CNTN1: variants seen among roughly 807,000 people sequenced by gnomAD.
The protein encoded by CNTN1 is contactin-1.
A neutral mutation model predicts 126.4 loss-of-function variants in CNTN1; 38 were observed. The observed-to-expected ratio is 0.30, with a 90% CI of 0.23 to 0.39. CNTN1 has a LOEUF of 0.39. Ranked by LOEUF, CNTN1 falls within the 10% of genes least tolerant of loss-of-function variation. The pLI is 1.00. For synonymous variants in CNTN1, 413 were observed against 422.6 expected (o/e 0.98, Z 0.28); for missense variants, 1,009 against 1,248.4 (o/e 0.81, Z 2.89).
intron 23 of CNTN1, among the ~76,000 whole-genome samples, chr12:41,068,843 C>T (rs1950104232): frequency 6.6e-6 from 1 of 152,064 alleles, no homozygotes; most frequent in Non-Finnish European, 1.5e-5. Flanking sequence ...AAGATAGTGC[C>T]AGCCAGGCAT....
intron 6 of CNTN1, among the ~76,000 whole-genome samples, chr12:40,924,857 T>A (rs1455771251): frequency 7.3e-6 from 1 of 136,882 alleles, no homozygotes; most frequent in Non-Finnish European, 1.6e-5. Context: ...GTCCCAAGGA[T>A]CTCTAATCAT....
intron 1 of CNTN1, among the ~76,000 whole-genome samples, chr12:40,740,042 G>A (rs1251056988): frequency 6.6e-6 from 1 of 151,914 alleles, no homozygotes; most frequent in Non-Finnish European, 1.5e-5. Context: ...AAATTCTTAT[G>A]AACTACACAA....
intron 1 of CNTN1, among the ~76,000 whole-genome samples, chr12:40,730,704 C>CTATG (rs1942475942): frequency 6.6e-6 from 1 of 152,174 alleles, no homozygotes; most frequent in African/African-American, 2.4e-5. Flanking sequence ...ATACCACTGA[C>CTATG]ATGTTATATC....
chr12:40,696,003 A>C (rs938910153), intron 1 of CNTN1, among the ~76,000 whole-genome samples: 1 of 152,234 alleles, frequency 6.6e-6, no homozygotes, highest in African/African-American at 2.4e-5. Context: ...TGATGCAGTT[A>C]AGCGAACATC....
intron 19 of CNTN1, among the ~76,000 whole-genome samples, chr12:41,017,871 C>T (rs573689496): frequency 8.6e-5 from 13 of 152,032 alleles, no homozygotes; most frequent in Non-Finnish European, 1.6e-4. Flanking sequence ...GCAGGTGGAT[C>T]ACCTGAGGTT....
intron 1 of CNTN1, among the ~76,000 whole-genome samples, chr12:40,875,552 A>G (rs1185508374): frequency 5.3e-5 from 8 of 152,160 alleles, no homozygotes; most frequent in African/African-American, 1.9e-4. Flanking sequence ...TCCATTATAT[A>G]GGATTATATT....
intron 1 of CNTN1, among the ~76,000 whole-genome samples, chr12:40,749,548 G>GTGCAGGGCTTCAGTGAAGCGGTGTGA (rs1555150237): frequency 2.8e-5 from 4 of 143,810 alleles, no homozygotes; most frequent in East Asian, 2.0e-4. Flanking sequence ...ACTAGGGTGA[G>GTGCAGGGCTTCAGTGAAGCGGTGTGA]GTCATAAAGA....
chr12:40,761,953 G>A (rs1216555102), intron 1 of CNTN1, among the ~76,000 whole-genome samples: 1 of 151,812 alleles, frequency 6.6e-6, no homozygotes, highest in Non-Finnish European at 1.5e-5. Context: ...AAGCTGAATG[G>A]CAATGCAGGA....
At chr12:40,829,752 A>G (rs932828677) in intron 1 of CNTN1, among the ~76,000 whole-genome samples, 1 of 152,140 alleles carries the variant, frequency 6.6e-6, no homozygotes, top group Non-Finnish European at 1.5e-5. Flanking sequence ...AGGAGATATT[A>G]CTACCTATAT....
chr12:40,996,919 A>G (rs946340556), intron 17 of CNTN1, among the ~76,000 whole-genome samples: 2 of 152,218 alleles, frequency 1.3e-5, no homozygotes, highest in Non-Finnish European at 1.5e-5. Flanking sequence ...ATGCCAGCAT[A>G]TGCTATGTGG....
In CNTN1 at chr12:40,980,895, C is replaced by A. The variant is rs10784981; in HGVS notation, c.1805-14C>A. ...ATGGAATTCACTGATTCATTACCCA[C>A]ATTTTCATTTCAGGCCCTCCAGGCC... On this transcript the variant is annotated splice_polypyrimidine_tract_variant and intron_variant, in intron 15 of 23. Coordinates refer to ENST00000551295, the MANE Select transcript of CNTN1 (RefSeq NM_001843.4). 191,930 of 1,611,240 alleles carry A rather than the reference C, an allele frequency of 0.12. 11,974 individuals are homozygous for A. The highest frequency in any genetic ancestry group is 0.12 in the Non-Finnish European group (146,264 of 1,177,602).
At chr12:40,736,146 C>A (rs778820264) in intron 1 of CNTN1, among the ~76,000 whole-genome samples, 1 of 151,940 alleles carries the variant, frequency 6.6e-6, no homozygotes, top group South Asian at 2.1e-4. Context: ...GACCACTATT[C>A]GGACACACAC....
intron 5 of CNTN1, among the ~76,000 whole-genome samples, chr12:40,923,610 T>G (rs1303153456): frequency 3.9e-5 from 6 of 152,138 alleles, no homozygotes; most frequent in Admixed American, 3.9e-4. Context: ...CTGTTCTCAT[T>G]AATAATGGGA....
At chr12:41,068,541 G>A (rs1258524610) in intron 23 of CNTN1, among the ~76,000 whole-genome samples, 1 of 152,014 alleles carries the variant, frequency 6.6e-6, no homozygotes, top group Admixed American at 6.6e-5. Flanking sequence ...GCAGGGCAAT[G>A]TTGAAGACAA....
At chr12:40,870,969 A>G (rs1943467691) in intron 1 of CNTN1, among the ~76,000 whole-genome samples, 3 of 152,120 alleles carry the variant, frequency 2.0e-5, no homozygotes, top group Admixed American at 2.0e-4. Context: ...TCCTCCTTGA[A>G]GCATACCTGA....
chr12:41,004,346 G>T (rs761209933), intron 17 of CNTN1, among the ~76,000 whole-genome samples: 9 of 152,154 alleles, frequency 5.9e-5, no homozygotes, highest in Non-Finnish European at 1.0e-4. Context: ...TCTGAGGAGT[G>T]TTTTATTTCC....
At chr12:41,067,763 T>C (rs1254010984) in intron 23 of CNTN1, among the ~76,000 whole-genome samples, 1 of 134,836 alleles carries the variant, frequency 7.4e-6, no homozygotes, top group African/African-American at 3.4e-5. Context: ...ACTTAAAGTA[T>C]AATAAAAAAA....
intron 23 of CNTN1, among the ~76,000 whole-genome samples, chr12:41,037,926 G>T (rs906704495): frequency 2.8e-4 from 43 of 152,156 alleles, no homozygotes; most frequent in Non-Finnish European, 1.0e-4. Flanking sequence ...GGGAGGCCAA[G>T]GTGGGTGGAT....
intron 9 of CNTN1, among the ~76,000 whole-genome samples, chr12:40,934,429 CTT>C (rs35534983): frequency 1.7e-4 from 24 of 138,392 alleles, no homozygotes; most frequent in South Asian, 4.6e-4. Flanking sequence ...TTTAAGAAAT[CTT>C]TTTTTTTTTT....
Sources: allele counts gnomAD v4.1 joint callset (sites outside exome capture counted in the v4.1 genomes callset), GRCh38; gene constraint gnomAD v4.1.1; transcripts MANE v1.5; gene names NCBI Gene and HGNC (gene_info 2026-07-23, HGNC 2026-07-21).